Variants in TMTC4 observed in about 807,000 individuals in gnomAD.
TMTC4 encodes transmembrane O-mannosyltransferase targeting cadherins 4.
A neutral mutation model predicts 86.0 loss-of-function variants in TMTC4; 65 were observed. That is an observed-to-expected ratio of 0.76 (90% CI 0.62 to 0.93). The LOEUF (loss-of-function observed/expected upper bound fraction) is 0.93. Among genes scored for constraint, TMTC4 ranks in the 40% least tolerant of loss-of-function variants. TMTC4 has a pLI of 0.00. For missense variants in TMTC4, 866 were observed against 948.1 expected (o/e 0.91, Z 1.14); for synonymous variants, 379 against 382.5 (o/e 0.99, Z 0.11).
In TMTC4 at chr13:100,621,884, C is replaced by G. The variant is rs549078415; in HGVS notation, c.1836+3651G>C. On this transcript the variant is annotated intron_variant, in intron 15 of 18. Coordinates refer to ENST00000342624, the MANE Select transcript of TMTC4 (RefSeq NM_032813.5). ...CCTCATGTGCTCCCATCCTCCACCC[C>G]ACCCCTATTCTCACTTCACTAACTT... Among the ~76,000 whole-genome samples the G allele has an allele frequency of 3.3e-5, 5 of 152,306 alleles. No individual in the cohort carries two copies. In the East Asian group the frequency reaches 9.7e-4, roughly 29 times the overall value.
chr13:100,629,779 C>T (rs1055616533), intron 12 of TMTC4, among the ~76,000 whole-genome samples: 4 of 152,042 alleles, frequency 2.6e-5, no homozygotes, highest in Admixed American at 1.3e-4. Flanking sequence ...TATGGTTGGG[C>T]CCCCATCCAT....
chr13:100,661,294 CGTGT>C (rs771147429), intron 5 of TMTC4, among the ~76,000 whole-genome samples: 3 of 152,102 alleles, frequency 2.0e-5, no homozygotes, highest in East Asian at 1.9e-4. Flanking sequence ...AGAATGTGTG[CGTGT>C]GAGTGTGTAC....
chr13:100,616,486 C>T (rs971238231), intron 15 of TMTC4, among the ~76,000 whole-genome samples: 3 of 152,184 alleles, frequency 2.0e-5, no homozygotes, highest in African/African-American at 7.2e-5. Context: ...CAGGTGTGAG[C>T]CACTGTGCCC....
At chr13:100,620,433 TGTGA>T (rs1422634371) in intron 15 of TMTC4, among the ~76,000 whole-genome samples, 5 of 152,188 alleles carry the variant, frequency 3.3e-5, no homozygotes, top group Non-Finnish European at 7.4e-5. Context: ...TGTAACCTCT[TGTGA>T]GTTTTTAAAT....
At position 100,668,877 on chromosome 13, in the gene TMTC4, A is replaced by AG. The variant is rs954012949; in HGVS notation, c.4-84_4-83insC. On this transcript the variant is annotated intron_variant, in intron 2 of 18. Transcript: ENST00000342624. The stretch of plus-strand genomic sequence containing the variant: ...AGTGGGCACCGTGAGTAAGAGCTAG[A>AG]TAGTCATTTATGCTATGATTTTATA... The AG allele has an allele frequency of 1.1e-5, 14 of 1,302,608 alleles. No individual in the cohort carries two copies. The African/African-American group carries it at 2.0e-4, about 19-fold the overall frequency. 80.7% of individuals were successfully genotyped at this position (1,302,608 alleles called of 1,614,324 possible). A position where few individuals can be genotyped will look rare whatever the true frequency, so the allele number is the denominator to read the frequency against.
At chr13:100,657,043 T>G (rs1885201633) in intron 5 of TMTC4, among the ~76,000 whole-genome samples, 1 of 152,184 alleles carries the variant, frequency 6.6e-6, no homozygotes, top group African/African-American at 2.4e-5. Flanking sequence ...GCTATTCTGC[T>G]GGACACAGAC....
intron 12 of TMTC4, among the ~76,000 whole-genome samples, chr13:100,627,445 G>A (rs971138979): frequency 2.0e-5 from 3 of 152,122 alleles, no homozygotes; most frequent in African/African-American, 7.2e-5. Context: ...ACCGGCTGAG[G>A]GAAGAGACTG....
At chr13:100,612,357 T>C in intron 17 of TMTC4, 41 bp downstream of exon 17, 1 of 1,443,696 alleles carries the variant, frequency 6.9e-7, no homozygotes, top group Non-Finnish European at 9.6e-7. Flanking sequence ...TGTCAGATGC[T>C]GGCACTAACT....
chr13:100,614,864 TAAAGTATTACTTAGAATAGTGAAC>T (rs1878222142), intron 15 of TMTC4: 1 of 948,378 alleles, frequency 1.1e-6, no homozygotes, highest in African/African-American at 1.8e-5. Flanking sequence ...TCATTGTTGA[TAAAGTATTACTTAGAATAGTGAAC>T]AAAGTATTTC....
intron 5 of TMTC4, among the ~76,000 whole-genome samples, chr13:100,662,298 A>C (rs2791677): frequency 6.8e-6 from 1 of 147,828 alleles, no homozygotes; most frequent in Non-Finnish European, 1.5e-5. Context: ...AGCAGAGTGC[A>C]GGCACCGCTT....
chr13:100,662,841 C>T (rs1885940578), intron 5 of TMTC4, 123 bp downstream of exon 5: 1 of 979,460 alleles, frequency 1.0e-6, no homozygotes, highest in Admixed American at 2.3e-5. Context: ...GTGGAGTAGA[C>T]TTTCTCCAGC....
At chr13:100,623,192 C>A (rs1459968783) in intron 15 of TMTC4, among the ~76,000 whole-genome samples, 2 of 152,210 alleles carry the variant, frequency 1.3e-5, no homozygotes, top group African/African-American at 4.8e-5. Context: ...GGGCCAAGGG[C>A]AGGTTACTGG....
At chr13:100,668,877 A>T in intron 2 of TMTC4, 83 bp from the exon 3 acceptor site, 2 of 1,302,726 alleles carry the variant, frequency 1.5e-6, no homozygotes, top group Non-Finnish European at 1.1e-6. Context: ...TAAGAGCTAG[A>T]TAGTCATTTA....
At chr13:100,658,830 G>A (rs900421306) in intron 5 of TMTC4, among the ~76,000 whole-genome samples, 1 of 152,180 alleles carries the variant, frequency 6.6e-6, no homozygotes, top group African/African-American at 2.4e-5. Flanking sequence ...TATGGGAAGT[G>A]TTTTAAAGCA....
chr13:100,663,821 G>A (rs983477864), intron 4 of TMTC4, among the ~76,000 whole-genome samples: 1 of 152,156 alleles, frequency 6.6e-6, no homozygotes, highest in Non-Finnish European at 1.5e-5. Flanking sequence ...CCTGATTAAC[G>A]GAGGGGGGAT....
In TMTC4 at chr13:100,625,542, C is replaced by T. The variant is rs201804437; in HGVS notation, c.1829G>A (p.Gly610Glu). Residue 610 changes from glycine (G) to glutamate (E), a missense_variant, in exon 15 of 19, where the codon GGG becomes GAG. Gly to Glu is a moderately conservative substitution (Grantham distance 98). Coordinates refer to ENST00000342624, the MANE Select transcript of TMTC4 (RefSeq NM_032813.5). ...AGGGCACCCCGCGCTTACCAGACGCCCGAGGTTGTAGTAACAGTCTGGGTA... is the reference window on the plus strand; with the variant it reads ...AGGGCACCCCGCGCTTACCAGACGCTCGAGGTTGTAGTAACAGTCTGGGTA... ...RKYPDCYYNLGRLYADLNRHV... is the reference protein window; with the variant it reads ...RKYPDCYYNLERLYADLNRHV... 120 of 1,613,804 alleles carry T rather than the reference C, an allele frequency of 7.4e-5. No homozygotes were observed. The highest frequency in any genetic ancestry group is 6.9e-5 in the Non-Finnish European group (82 of 1,180,030).
At chr13:100,612,783 A>G (rs1877844780) in intron 16 of TMTC4, among the ~76,000 whole-genome samples, 1 of 152,168 alleles carries the variant, frequency 6.6e-6, no homozygotes, top group Non-Finnish European at 1.5e-5. Context: ...AAAACCATCT[A>G]AAACCTAGTT....
chr13:100,607,282 C>T (rs1247500298), intron 17 of TMTC4, among the ~76,000 whole-genome samples: 1 of 152,132 alleles, frequency 6.6e-6, no homozygotes, highest in Non-Finnish European at 1.5e-5. Context: ...TTTGGGAAGC[C>T]AAGGTGGGCA....
chr13:100,637,886 T>C (rs758865904), intron 8 of TMTC4, 44 bp downstream of exon 8: 7 of 1,565,804 alleles, frequency 4.5e-6, no homozygotes, highest in Admixed American at 1.8e-5. Context: ...AGCTGGTACT[T>C]GACATTTTCC....
Sources: allele counts gnomAD v4.1 joint callset (sites outside exome capture counted in the v4.1 genomes callset), GRCh38; gene constraint gnomAD v4.1.1; transcripts MANE v1.5; gene names NCBI Gene and HGNC (gene_info 2026-07-23, HGNC 2026-07-21).